RTCB: variants seen among roughly 807,000 people sequenced by gnomAD.
RTCB encodes RNA 2',3'-cyclic phosphate and 5'-OH ligase.
RTCB carries 32 observed loss-of-function variants against 58.2 expected under a neutral mutation model. The ratio of observed to expected loss-of-function variants is 0.55; its 90% CI spans 0.41 to 0.74. The LOEUF (loss-of-function observed/expected upper bound fraction) is 0.74. Among genes scored for constraint, RTCB ranks in the 30% least tolerant of loss-of-function variants. RTCB has a pLI of 0.00. For missense variants in RTCB, 523 were observed against 639.0 expected (o/e 0.82, Z 1.96); for synonymous variants, 247 against 218.6 (o/e 1.13, Z -1.15).
intron 8 of RTCB, 116 bp downstream of exon 8, chr22:32,395,958 C>T (rs956374953): frequency 2.8e-6 from 3 of 1,053,798 alleles, no homozygotes; most frequent in Non-Finnish European, 4.2e-6. Flanking sequence ...CCTCGGCCTC[C>T]CAAAGTGTTG....
intron 5 of RTCB, 154 bp from the exon 6 acceptor site, chr22:32,399,913 C>CTT (rs1601427887): frequency 1.7e-6 from 1 of 602,936 alleles, no homozygotes; most frequent in East Asian, 2.8e-5. Context: ...CTCTCAGTAA[C>CTT]TGGTTTTTTG....
In RTCB at chr22:32,408,245, G is replaced by T; in HGVS notation, c.173-3C>A. On this transcript the variant is annotated splice_region_variant and splice_polypyrimidine_tract_variant and intron_variant, in intron 2 of 11. Transcript: ENST00000216038. ...GGCTGGCAGGAAGCCACCAACACCT[G>T]AAGACAAAAATTGGGTATTAGAAAA... 1 of 1,613,530 alleles carries T rather than the reference G, an allele frequency of 6.2e-7. No individual in the cohort carries two copies. Among genetic ancestry groups the T allele is most frequent in the Non-Finnish European group, 8.5e-7 (1 of 1,179,592 alleles).
intron 11 of RTCB, among the ~76,000 whole-genome samples, chr22:32,389,757 TC>T (rs1483957491): frequency 1.3e-5 from 2 of 152,222 alleles, no homozygotes; most frequent in Non-Finnish European, 2.9e-5. Context: ...ATCATTAATT[TC>T]TCTTGTAGAT....
At chr22:32,403,087 G>A (rs902078323) in intron 4 of RTCB, among the ~76,000 whole-genome samples, 4 of 152,040 alleles carry the variant, frequency 2.6e-5, no homozygotes, top group Non-Finnish European at 5.9e-5. Flanking sequence ...CTTGAGAGAT[G>A]ACCGGCAAAT....
chr22:32,394,645 A>G (rs1933213404), intron 9 of RTCB, among the ~76,000 whole-genome samples: 1 of 152,118 alleles, frequency 6.6e-6, no homozygotes, highest in African/African-American at 2.4e-5. Flanking sequence ...CTCATCTGTA[A>G]AAGGAGCAAG....
intron 1 of RTCB, among the ~76,000 whole-genome samples, chr22:32,411,611 A>C (rs1933525948): frequency 6.6e-6 from 1 of 152,148 alleles, no homozygotes; most frequent in South Asian, 2.1e-4. Context: ...AATGCTGAAA[A>C]CCTGGTTTAG....
chr22:32,410,725 T>G (rs965477121), intron 1 of RTCB, among the ~76,000 whole-genome samples: 2 of 124,860 alleles, frequency 1.6e-5, no homozygotes, highest in Admixed American at 7.4e-5. Context: ...TTCTTTTCTT[T>G]TTTTTTTTTT....
intron 4 of RTCB, among the ~76,000 whole-genome samples, chr22:32,402,681 T>C (rs148249384): frequency 0.041 from 5,404 of 132,008 alleles, 484 homozygotes; most frequent in African/African-American, 0.13. Flanking sequence ...GAACTCCTGA[T>C]CTCATGATCC....
At chr22:32,403,058 T>A (rs982221157) in intron 4 of RTCB, among the ~76,000 whole-genome samples, 3 of 152,130 alleles carry the variant, frequency 2.0e-5, no homozygotes, top group Non-Finnish European at 2.9e-5. Context: ...AAGTATTTTT[T>A]AAATCATTTT....
In RTCB at chr22:32,412,199, G is replaced by T. The variant is rs763412754; in HGVS notation, c.-43C>A. The T allele has an allele frequency of 6.7e-7, 1 of 1,500,610 alleles. No individual in the cohort carries two copies. The highest frequency in any genetic ancestry group is 9.1e-7 in the Non-Finnish European group (1 of 1,102,096). 93.0% of individuals were successfully genotyped at this position (1,500,610 alleles called of 1,614,324 possible). The stretch of plus-strand genomic sequence containing the variant: ...CAAAAACTCCCGGCTCCGCTTTGAA[G>T]AGCCGCTGCCGCGTAGTCCGGCTTC... On this transcript the variant is annotated 5_prime_UTR_variant, in exon 1 of 12. Coordinates refer to ENST00000216038, the MANE Select transcript of RTCB (RefSeq NM_014306.5).
At position 32,412,195 on chromosome 22, in the gene RTCB, T is replaced by C. The variant is rs1358147611; in HGVS notation, c.-39A>G. 1.2e-5 allele frequency: 18 copies of C among 1,506,024 alleles called. No homozygotes were observed. The highest frequency in any genetic ancestry group is 1.6e-5 in the Non-Finnish European group (18 of 1,105,672). The allele number at this position is 1,506,024 out of a possible 1,614,324, so 93.3% of individuals were successfully genotyped here. The stretch of plus-strand genomic sequence containing the variant: ...GTAGCAAAAACTCCCGGCTCCGCTT[T>C]GAAGAGCCGCTGCCGCGTAGTCCGG... On this transcript the variant is annotated 5_prime_UTR_variant, in exon 1 of 12. Transcript: ENST00000216038.
At chr22:32,396,322 G>A (rs1259784981) in intron 7 of RTCB, 73 bp from the exon 8 acceptor site, 3 of 1,446,420 alleles carry the variant, frequency 2.1e-6, no homozygotes, top group African/African-American at 2.8e-5. Flanking sequence ...ACTGCAGAAA[G>A]GTAGGCTACA....
chr22:32,394,938 G>A, intron 9 of RTCB, 88 bp downstream of exon 9: 1 of 1,157,492 alleles, frequency 8.6e-7, no homozygotes, highest in Non-Finnish European at 1.2e-6. Context: ...TTTCACAATT[G>A]CTGCTTTTCG....
chr22:32,393,104 T>A (rs78182463), intron 10 of RTCB, among the ~76,000 whole-genome samples: 5,269 of 152,228 alleles, frequency 0.035, 290 homozygotes, highest in African/African-American at 0.12. Context: ...CCGGCTAATT[T>A]AAAAAGTTTT....
intron 2 of RTCB, 71 bp downstream of exon 2, chr22:32,408,684 G>C: frequency 1.8e-6 from 2 of 1,083,066 alleles, no homozygotes; most frequent in Non-Finnish European, 1.4e-6. Flanking sequence ...ATAATTATTT[G>C]AGTTGCCACT....
At chr22:32,388,294 C>CTTGG (rs57860088) in intron 11 of RTCB, among the ~76,000 whole-genome samples, 195 bp from the exon 12 acceptor site, 37 of 146,222 alleles carry the variant, frequency 2.5e-4, no homozygotes, top group African/African-American at 9.2e-4. Flanking sequence ...ACACTTTCAC[C>CTTGG]TTTTTTTTTT....
intron 1 of RTCB, among the ~76,000 whole-genome samples, chr22:32,410,579 G>C (rs1933502788): frequency 6.6e-6 from 1 of 152,150 alleles, no homozygotes; most frequent in Admixed American, 6.5e-5. Flanking sequence ...AACCAGAACT[G>C]CCTAGCAAAA....
chr22:32,399,502 C>A, intron 6 of RTCB, 101 bp downstream of exon 6: 1 of 1,126,040 alleles, frequency 8.9e-7, no homozygotes. Flanking sequence ...ATAAAAAAAC[C>A]TGGGAATATG....
Position 32,395,092 on chromosome 22 carries a change from T to G in RTCB, c.1113A>C (p.Leu371Phe). 1 of 1,614,208 alleles carries G rather than the reference T, an allele frequency of 6.2e-7. No individual in the cohort carries two copies. The highest frequency in any genetic ancestry group is 8.5e-7 in the Non-Finnish European group (1 of 1,180,040). Residue 371 changes from leucine to phenylalanine, a missense_variant, in exon 9 of 12, where the codon TTA becomes TTC. By Grantham distance (22) the Leu-to-Phe change is conservative (BLOSUM62 0). Around this residue, in one of 3 missense-constraint regions of RTCB, gnomAD observed 248 missense variants for 292.5 expected, o/e 0.85. Transcript: ENST00000216038. ...HVVDGKERTL[L>F]VHRKGSTRAF... ...CGCGGGTGGATCCCTTCCTGTGTAC[T>G]AACAGTGTCCGTTCCTTTCCGTCCA...
Sources: allele counts gnomAD v4.1 joint callset (sites outside exome capture counted in the v4.1 genomes callset), GRCh38; gene constraint gnomAD v4.1.1; regional missense constraint gnomAD v4.1.1; transcripts MANE v1.5; gene names NCBI Gene and HGNC (gene_info 2026-07-23, HGNC 2026-07-21).